MYO1E: variants seen among roughly 807,000 people sequenced by gnomAD.
The protein encoded by MYO1E is myosin IE.
A neutral mutation model predicts 151.1 loss-of-function variants in MYO1E; 68 were observed. The ratio of observed to expected loss-of-function variants is 0.45; its 90% confidence interval spans 0.37 to 0.55. The LOEUF is 0.55. Among genes scored for constraint, MYO1E ranks in the 20% least tolerant of loss-of-function variants. MYO1E has a pLI of 0.00. For missense variants in MYO1E, 1,363 were observed against 1,389.3 expected, an observed-to-expected ratio of 0.98 and a Z score of 0.30; for synonymous variants, 601 against 501.7, an observed-to-expected ratio of 1.20 and a Z score of -2.64.
At chr15:59,368,671 G>A (rs993155623) in intron 1 of MYO1E, among the ~76,000 whole-genome samples, 4 of 152,078 alleles carry the variant, frequency 2.6e-5, no homozygotes, top group African/African-American at 9.7e-5. Flanking sequence ...GTTTGAAACC[G>A]GGAGGCGGAG....
chr15:59,260,569 T>C (rs912282368), intron 3 of MYO1E, among the ~76,000 whole-genome samples: 1 of 152,166 alleles, frequency 6.6e-6, no homozygotes, highest in Non-Finnish European at 1.5e-5. Context: ...GGGGAAGTGA[T>C]GAACCACAGA....
At chr15:59,296,871 G>C (rs1417230740) in intron 1 of MYO1E, among the ~76,000 whole-genome samples, 4 of 133,914 alleles carry the variant, frequency 3.0e-5, no homozygotes, top group African/African-American at 5.7e-5. Flanking sequence ...ATGGAATCTC[G>C]CTCTGTCGCC....
chr15:59,141,233 G>A (rs1219413925), intron 26 of MYO1E, among the ~76,000 whole-genome samples: 2 of 152,096 alleles, frequency 1.3e-5, no homozygotes, highest in East Asian at 3.9e-4. Context: ...GCACATGGAA[G>A]GACACAGATG....
intron 1 of MYO1E, among the ~76,000 whole-genome samples, chr15:59,323,052 C>T (rs946272645): frequency 6.6e-6 from 1 of 150,472 alleles, no homozygotes; most frequent in Non-Finnish European, 1.5e-5. Context: ...ACCTGTAGTC[C>T]CAGCTACTCA....
chr15:59,260,927 T>C (rs1193452405), intron 3 of MYO1E, among the ~76,000 whole-genome samples: 1 of 152,196 alleles, frequency 6.6e-6, no homozygotes, highest in African/African-American at 2.4e-5. Context: ...AGCTCTGCTC[T>C]AAAAAGCAGA....
chr15:59,168,702 C>T (rs1464574901), intron 22 of MYO1E, among the ~76,000 whole-genome samples: 3 of 152,010 alleles, frequency 2.0e-5, no homozygotes, highest in Admixed American at 2.0e-4. Flanking sequence ...CTCATTGCAG[C>T]CTTGACCTAT....
At position 59,268,720 on chromosome 15, in the gene MYO1E, AT is replaced by A. The variant is rs398027512; in HGVS notation, c.147+3585del. ...GTGATGGGTTCTGGGTGACTTTGGTATTTTTTTTTTTTTTTTTTTTTGCTTC... is the reference window on the plus strand; with the variant it reads ...GTGATGGGTTCTGGGTGACTTTGGTATTTTTTTTTTTTTTTTTTTTGCTTC... On this transcript the variant is annotated intron_variant, in intron 2 of 27. Coordinates refer to ENST00000288235, the MANE Select transcript of MYO1E (RefSeq NM_004998.4). 2.7e-3 allele frequency among the ~76,000 whole-genome samples: 123 copies of A among 44,912 alleles called. 6 individuals carry two copies. The highest frequency in any genetic ancestry group is 0.019 in the Middle Eastern group (1 of 54). 29.5% of individuals were successfully genotyped at this position (44,912 alleles called of 152,430 possible). A position where few individuals can be genotyped will look rare whatever the true frequency, so the allele number is the denominator to read the frequency against.
chr15:59,154,038 T>C (rs1190850815), intron 25 of MYO1E, among the ~76,000 whole-genome samples: 1 of 152,202 alleles, frequency 6.6e-6, no homozygotes, highest in African/African-American at 2.4e-5. Context: ...GTATTTAACA[T>C]GTACAACAAT....
intron 1 of MYO1E, among the ~76,000 whole-genome samples, chr15:59,321,464 A>C (rs2080625578): frequency 6.6e-6 from 1 of 152,280 alleles, no homozygotes; most frequent in Non-Finnish European, 1.5e-5. Flanking sequence ...GGATAAAGGA[A>C]ATGTGGTACA....
chr15:59,329,755 A>G (rs1257750384), intron 1 of MYO1E, among the ~76,000 whole-genome samples: 1 of 152,198 alleles, frequency 6.6e-6, no homozygotes, highest in African/African-American at 2.4e-5. Flanking sequence ...AACCACAGCT[A>G]TTCTCACTTC....
chr15:59,188,567 G>A (rs142895309), intron 17 of MYO1E, among the ~76,000 whole-genome samples: 1,761 of 152,112 alleles, frequency 0.012, 47 homozygotes, highest in African/African-American at 0.037. Flanking sequence ...ATGGTGGCAC[G>A]CACCTGTAGT....
chr15:59,198,386 G>A (rs1234088033), intron 16 of MYO1E, among the ~76,000 whole-genome samples: 2 of 152,112 alleles, frequency 1.3e-5, no homozygotes, highest in African/African-American at 4.8e-5. Flanking sequence ...GCCTGACTGT[G>A]GGTCCTGGCA....
chr15:59,253,995 C>T (rs576257789), intron 4 of MYO1E, among the ~76,000 whole-genome samples: 4 of 147,832 alleles, frequency 2.7e-5, no homozygotes, highest in South Asian at 2.2e-4. Flanking sequence ...CAACCAGGTG[C>T]GGTGTGTAGG....
rs1432517766 is a variant in MYO1E, at chr15:59,209,822, T to C, written c.1362+692A>G. On this transcript the variant is annotated intron_variant, in intron 13 of 27. Coordinates refer to ENST00000288235, the MANE Select transcript of MYO1E (RefSeq NM_004998.4). ...ACTTTTATTTTGAATCACCTTTTTT[T>C]TTTTTTTTTTTTTTTTTTTTTTTTT... Among the ~76,000 whole-genome samples, 567 of 92,350 alleles carry C rather than the reference T, an allele frequency of 6.1e-3. 39 individuals are homozygous for C. Among genetic ancestry groups the C allele is most frequent in the African/African-American group, 0.026 (539 of 20,510 alleles). 60.6% of individuals were successfully genotyped at this position (92,350 alleles called of 152,430 possible).
chr15:59,132,742 G>A lies in MYO1E; in HGVS notation c.*4638C>T, dbSNP rs2079352370. On this transcript the variant is annotated 3_prime_UTR_variant, in exon 28 of 28. Transcript: ENST00000288235. ...TTAGTTTCTGTACCTGTGAAGTGGG[G>A]ATAAGAGTGTCTCCCTCATAGGGTG... The A allele has an allele frequency of 1.3e-5, 2 of 152,244 alleles. No homozygotes were observed. The highest frequency in any genetic ancestry group is 4.8e-5 in the African/African-American group (2 of 41,462). The allele number at this position is 152,244 out of a possible 1,614,324, so 9.4% of individuals were successfully genotyped here.
At chr15:59,296,476 G>A (rs1425787041) in intron 1 of MYO1E, among the ~76,000 whole-genome samples, 2 of 152,186 alleles carry the variant, frequency 1.3e-5, no homozygotes, top group African/African-American at 4.8e-5. Context: ...GCAGAGCGGG[G>A]GCTCCTACCA....
At chr15:59,139,395 T>G (rs1182730327) in intron 26 of MYO1E, among the ~76,000 whole-genome samples, 1 of 142,000 alleles carries the variant, frequency 7.0e-6, no homozygotes, top group East Asian at 2.2e-4. Flanking sequence ...CACACTTCCC[T>G]CCCATCCCTC....
intron 22 of MYO1E, among the ~76,000 whole-genome samples, chr15:59,168,050 A>C (rs185483759): frequency 1.3e-5 from 2 of 152,268 alleles, no homozygotes; most frequent in Non-Finnish European, 2.9e-5. Flanking sequence ...TATTGTCTTA[A>C]TATCTCTCTG....
At chr15:59,240,386 G>T (rs763023556) in intron 4 of MYO1E, among the ~76,000 whole-genome samples, 3 of 143,802 alleles carry the variant, frequency 2.1e-5, no homozygotes, top group African/African-American at 5.6e-5. Context: ...GTCTGTGTGT[G>T]GGGGGGGTCT....
Sources: gnomAD v4.1 joint callset for allele counts (sites outside exome capture counted in the v4.1 genomes callset) on GRCh38, gnomAD v4.1.1 for gene constraint, MANE v1.5 for transcripts, NCBI Gene and HGNC (gene_info 2026-07-23, HGNC 2026-07-21) for gene names.